The following LRRC37A2 variants were observed in gnomAD, a reference collection of about 807,000 sequenced individuals.
LRRC37A2 encodes leucine rich repeat containing 37 member A2, also known as leucine-rich repeat-containing protein 37A2.
LRRC37A2 carries 9 observed loss-of-function variants against 68.8 expected under a neutral mutation model. The observed-to-expected ratio is 0.13, with a 90% CI of 0.08 to 0.23. LRRC37A2 has a LOEUF of 0.23. LRRC37A2 is among the 10% of genes least tolerant of loss of function. The pLI, the probability that LRRC37A2 is intolerant of heterozygous loss-of-function variation, is 1.00. For synonymous variants in LRRC37A2, 63 were observed against 367.6 expected (o/e 0.17, Z 9.48); for missense variants, 168 against 950.4 (o/e 0.18, Z 10.82).
At chr17:46,857,240 G>T in the LRRC37A2 span, among the ~76,000 whole-genome samples, 2 of 151,986 alleles carry the variant, frequency 1.3e-5, no homozygotes, top group Non-Finnish European at 2.9e-5. Flanking sequence ...AGGCCGAGAC[G>T]GGCAGATCAC....
At chr17:46,903,120 A>G in the LRRC37A2 span, among the ~76,000 whole-genome samples, 32 of 152,252 alleles carry the variant, frequency 2.1e-4, no homozygotes, top group Admixed American at 1.9e-3. Context: ...CATCTCTACT[A>G]AAAATACAAA....
At chr17:46,558,447 C>A (rs1201974828), downstream of LRRC37A2, among the ~76,000 whole-genome samples, 2 of 115,744 alleles carry the variant, frequency 1.7e-5, no homozygotes, top group Non-Finnish European at 3.5e-5. Flanking sequence ...AGTGCAGCAG[C>A]GTGATCTCGG....
At chr17:46,709,283 G>A in the LRRC37A2 span, among the ~76,000 whole-genome samples, 1 of 151,852 alleles carries the variant, frequency 6.6e-6, no homozygotes. Flanking sequence ...AAGTAATTTG[G>A]CCATGAGGAA....
At chr17:46,879,578 G>A in the LRRC37A2 span, among the ~76,000 whole-genome samples, 1 of 152,246 alleles carries the variant, frequency 6.6e-6, no homozygotes, top group Non-Finnish European at 1.5e-5. Context: ...TCTCTGTGAG[G>A]TAGGTGGGGC....
At chr17:46,490,421 T>C in the LRRC37A2 span, among the ~76,000 whole-genome samples, 3 of 151,180 alleles carry the variant, frequency 2.0e-5, no homozygotes, top group Non-Finnish European at 4.4e-5. Flanking sequence ...TCTGGAAATC[T>C]AGTAAAACCT....
At chr17:46,747,453 G>A in the LRRC37A2 span, among the ~76,000 whole-genome samples, 14 of 151,998 alleles carry the variant, frequency 9.2e-5, no homozygotes, top group Non-Finnish European at 1.8e-4. Context: ...GCTAATTTTG[G>A]TATTTTTGTT....
the LRRC37A2 span, among the ~76,000 whole-genome samples, chr17:46,871,796 C>T: frequency 6.6e-6 from 1 of 152,184 alleles, no homozygotes; most frequent in Non-Finnish European, 1.5e-5. Context: ...GAATTCAGCT[C>T]CTTCACCTTC....
At chr17:46,936,867 T>C in the LRRC37A2 span, 8 of 978,892 alleles carry the variant, frequency 8.2e-6, no homozygotes, top group African/African-American at 1.4e-4. Flanking sequence ...TCTTAATTGC[T>C]TTCTGGGCAG....
the LRRC37A2 span, among the ~76,000 whole-genome samples, chr17:46,901,853 C>T: frequency 1.4e-5 from 2 of 147,256 alleles, no homozygotes; most frequent in African/African-American, 5.1e-5. Context: ...GTCACCCAGG[C>T]TGGAGCGCAA....
the LRRC37A2 span, chr17:46,978,435 C>T: frequency 1.8e-6 from 1 of 553,568 alleles, no homozygotes; most frequent in Non-Finnish European, 3.1e-6. Flanking sequence ...TTCTCCCACC[C>T]CGCAACGCTG....
At chr17:46,822,551 G>A in the LRRC37A2 span, among the ~76,000 whole-genome samples, 1 of 152,240 alleles carries the variant, frequency 6.6e-6, no homozygotes, top group East Asian at 1.9e-4. Context: ...AGCAGGCGAG[G>A]AAGGGGTCGC....
chr17:46,922,504 G>A, the LRRC37A2 span, among the ~76,000 whole-genome samples: 426 of 151,564 alleles, frequency 2.8e-3, 1 homozygote, highest in Non-Finnish European at 4.9e-3. Flanking sequence ...ATAAAATAAA[G>A]AAAAAAAATC....
the LRRC37A2 span, among the ~76,000 whole-genome samples, chr17:46,392,229 T>A: frequency 1.4e-5 from 1 of 69,158 alleles, no homozygotes; most frequent in Non-Finnish European, 3.5e-5. Context: ...TTTTTTTTTT[T>A]GAGATAGGGT....
the LRRC37A2 span, among the ~76,000 whole-genome samples, chr17:46,866,785 G>T: frequency 6.6e-6 from 1 of 152,114 alleles, no homozygotes; most frequent in East Asian, 1.9e-4. Context: ...CTTGTCCTGT[G>T]CCACCCACCC....
the LRRC37A2 span, among the ~76,000 whole-genome samples, chr17:46,697,734 G>C: frequency 1.7e-4 from 26 of 150,276 alleles, 1 homozygote; most frequent in East Asian, 5.0e-3. Context: ...TCACTCTGTC[G>C]CCCAGGCTGG....
chr17:46,872,657 G>C, the LRRC37A2 span: 1 of 1,613,732 alleles, frequency 6.2e-7, no homozygotes, highest in African/African-American at 1.3e-5. Context: ...AGGGAGCCCG[G>C]CCTGGCTGAG....
chr17:46,884,608 G>C, the LRRC37A2 span, among the ~76,000 whole-genome samples: 1 of 152,216 alleles, frequency 6.6e-6, no homozygotes, highest in Non-Finnish European at 1.5e-5. Context: ...TTTTGCGCAG[G>C]CTTCATACAG....
At chr17:46,679,641 A>G in the LRRC37A2 span, among the ~76,000 whole-genome samples, 1 of 143,386 alleles carries the variant, frequency 7.0e-6, no homozygotes, top group Non-Finnish European at 1.5e-5. Flanking sequence ...GCAGTGAGCC[A>G]AGATCGTGCC....
At chr17:46,790,557 G>A in the LRRC37A2 span, among the ~76,000 whole-genome samples, 1 of 152,004 alleles carries the variant, frequency 6.6e-6, no homozygotes, top group Non-Finnish European at 1.5e-5. Flanking sequence ...TGGGTCCTCT[G>A]CCCTCCCCCT....
Sources: gnomAD v4.1 joint callset for allele counts (sites outside exome capture counted in the v4.1 genomes callset) on GRCh38, gnomAD v4.1.1 for gene constraint, MANE v1.5 for transcripts, NCBI Gene and HGNC (gene_info 2026-07-23, HGNC 2026-07-21) for gene names.